Variants in CLRN1 observed in about 807,000 individuals in gnomAD.
CLRN1 encodes clarin-1.
A neutral mutation model predicts 18.7 loss-of-function variants in CLRN1; 15 were observed. That is an observed-to-expected ratio of 0.80 (90% confidence interval 0.54 to 1.23). The LOEUF (loss-of-function observed/expected upper bound fraction) is 1.23. Among genes scored for constraint, CLRN1 ranks in the 50% most tolerant of loss-of-function variants. CLRN1 has a pLI of 0.00. For missense variants in CLRN1, 311 were observed against 277.5 expected, an observed-to-expected ratio of 1.12 and a Z score of -0.86; for synonymous variants, 104 against 102.9, an observed-to-expected ratio of 1.01 and a Z score of -0.07.
rs1421391044 is a variant in CLRN1 at position 150,926,682 on chromosome 3, AAC to A, written c.*1252_*1253del. 3.7e-6 allele frequency: 4 copies of A among 1,073,336 alleles called. No individual in the cohort carries two copies. The highest frequency in any genetic ancestry group is 5.7e-6 in the Non-Finnish European group (4 of 706,486). 66.5% of individuals were successfully genotyped at this position (1,073,336 alleles called of 1,614,324 possible). On this transcript the variant is annotated 3_prime_UTR_variant, in exon 3 of 3. Coordinates refer to ENST00000327047, the MANE Select transcript of CLRN1 (RefSeq NM_174878.3). ...ATCCTTGTAAATAGTTCCAAAGGGA[AAC>A]AGTGTTTTATTTTAAGGAGTACTTT... is the stretch of plus-strand genomic sequence containing the variant.
At chr3:150,972,149 T>C (rs1055402262) in intron 1 of CLRN1, among the ~76,000 whole-genome samples, 4 of 152,142 alleles carry the variant, frequency 2.6e-5, no homozygotes, top group Non-Finnish European at 4.4e-5. Flanking sequence ...TTTCCCCAAG[T>C]TTACTTTTTT....
intron 1 of CLRN1, among the ~76,000 whole-genome samples, chr3:150,968,613 A>C (rs567037181): frequency 1.3e-5 from 2 of 152,156 alleles, no homozygotes; most frequent in Admixed American, 1.3e-4. Context: ...TTGCCAAACT[A>C]TTTTTCTGGT....
intron 1 of CLRN1, chr3:150,942,722 CT>C (rs2107953145): frequency 3.0e-6 from 1 of 334,934 alleles, no homozygotes; most frequent in East Asian, 1.1e-4. Flanking sequence ...ACAATCAATG[CT>C]TTTCCCCCTT....
rs1258412240 is a variant in CLRN1, at chr3:150,926,671, T to C, written c.*1265A>G. ...ACGGTTGTTTCATCCTTGTAAATAG[T>C]TCCAAAGGGAAACAGTGTTTTATTT... On this transcript the variant is annotated 3_prime_UTR_variant, in exon 3 of 3. Coordinates refer to ENST00000327047, the MANE Select transcript of CLRN1 (RefSeq NM_174878.3). The C allele has an allele frequency of 9.9e-7, 1 of 1,007,076 alleles. No individual in the cohort carries two copies. The highest frequency in any genetic ancestry group is 1.5e-6 in the Non-Finnish European group (1 of 651,376). 62.4% of individuals were successfully genotyped at this position (1,007,076 alleles called of 1,614,324 possible). A position where few individuals can be genotyped will look rare whatever the true frequency, so the allele number is the denominator to read the frequency against.
intron 1 of CLRN1, among the ~76,000 whole-genome samples, chr3:150,970,517 GA>G (rs11464588): frequency 0.066 from 9,468 of 144,088 alleles, 498 homozygotes; most frequent in East Asian, 0.16. Context: ...TTATGCTTAG[GA>G]AAAAAAAAAA....
chr3:150,971,341 A>G (rs533596238), intron 1 of CLRN1, among the ~76,000 whole-genome samples: 6 of 152,336 alleles, frequency 3.9e-5, no homozygotes, highest in East Asian at 3.9e-4. Flanking sequence ...CTGGAGCCCT[A>G]TGAAAATTCA....
chr3:150,943,798 C>T, intron 1 of CLRN1: 1 of 1,614,082 alleles, frequency 6.2e-7, no homozygotes, highest in Non-Finnish European at 8.5e-7. Flanking sequence ...CTCTGGGGCC[C>T]TGGGGTTGCA....
At chr3:150,972,822 G>T, upstream of CLRN1, 1 of 1,454,246 alleles carries the variant, frequency 6.9e-7, no homozygotes, top group Non-Finnish European at 9.5e-7. Flanking sequence ...ACAGCTCCCA[G>T]CTGAAAAGGC....
At chr3:150,942,791 G>A (rs914303453) in intron 1 of CLRN1, among the ~76,000 whole-genome samples, 36 of 152,230 alleles carry the variant, frequency 2.4e-4, no homozygotes, top group African/African-American at 8.7e-4. Flanking sequence ...CAATGCCTTT[G>A]AACTTGGATT....
At chr3:150,957,238 T>TACACACACACAC (rs34726423) in intron 1 of CLRN1, among the ~76,000 whole-genome samples, 3 of 146,958 alleles carry the variant, frequency 2.0e-5, no homozygotes, top group African/African-American at 7.5e-5. Flanking sequence ...TCCCATTTTA[T>TACACACACACAC]ACACACACAC....
chr3:150,940,454 G>A, intron 2 of CLRN1: 1 of 1,531,814 alleles, frequency 6.5e-7, no homozygotes, highest in Non-Finnish European at 8.7e-7. Flanking sequence ...ATGAGAGAAG[G>A]GAGTAGTGTC....
chr3:150,954,785 A>G (rs753430140), intron 1 of CLRN1, among the ~76,000 whole-genome samples: 9 of 152,202 alleles, frequency 5.9e-5, no homozygotes, highest in Non-Finnish European at 1.0e-4. Flanking sequence ...TTTTTTGTGT[A>G]TGGTACAAGT....
intron 2 of CLRN1, among the ~76,000 whole-genome samples, chr3:150,936,299 C>G (rs1713483433): frequency 1.3e-5 from 2 of 152,036 alleles, no homozygotes; most frequent in South Asian, 4.1e-4. Context: ...CGAATAATGC[C>G]CAAATATACA....
At chr3:150,942,282 A>G (rs1467523342) in intron 1 of CLRN1, among the ~76,000 whole-genome samples, 2 of 152,252 alleles carry the variant, frequency 1.3e-5, no homozygotes, top group Admixed American at 6.5e-5. Flanking sequence ...TTAATGTAGC[A>G]CAAAGCTGTG....
At chr3:150,931,063 A>G (rs1216460579) in intron 2 of CLRN1, among the ~76,000 whole-genome samples, 4 of 152,222 alleles carry the variant, frequency 2.6e-5, no homozygotes, top group Non-Finnish European at 5.9e-5. Flanking sequence ...ACCCAGCCTG[A>G]GTCTCATAAC....
intron 1 of CLRN1, among the ~76,000 whole-genome samples, chr3:150,959,263 G>A (rs927053919): frequency 1.3e-5 from 2 of 151,936 alleles, no homozygotes; most frequent in African/African-American, 4.8e-5. Flanking sequence ...GGAGGGAAGG[G>A]TGGGAGCATT....
At chr3:150,940,605 T>C in intron 2 of CLRN1, 1 of 1,282,568 alleles carries the variant, frequency 7.8e-7, no homozygotes, top group Non-Finnish European at 1.1e-6. Context: ...TATCCCTCCA[T>C]GAAACCATCA....
chr3:150,926,350 C>T, downstream of CLRN1: 2 of 226,450 alleles, frequency 8.8e-6, no homozygotes, highest in Admixed American at 5.2e-5. Context: ...GGGTACCTGG[C>T]CTTGGGGACC....
At chr3:150,954,645 A>G (rs1714650949) in intron 1 of CLRN1, among the ~76,000 whole-genome samples, 1 of 152,152 alleles carries the variant, frequency 6.6e-6, no homozygotes, top group Non-Finnish European at 1.5e-5. Context: ...TTTTTTATGT[A>G]TCATGTTTCA....
Sources: gnomAD v4.1 joint callset for allele counts (sites outside exome capture counted in the v4.1 genomes callset) on GRCh38, gnomAD v4.1.1 for gene constraint, MANE v1.5 for transcripts, NCBI Gene and HGNC (gene_info 2026-07-23, HGNC 2026-07-21) for gene names.